The following TIAM2 variants were observed in gnomAD, a reference collection of about 807,000 sequenced individuals.
The protein encoded by TIAM2 is TIAM Rac1 associated GEF 2, also known as rho guanine nucleotide exchange factor TIAM2.
A neutral mutation model predicts 152.9 loss-of-function variants in TIAM2; 80 were observed. The observed-to-expected ratio is 0.52, with a 90% CI of 0.44 to 0.63. The LOEUF (loss-of-function observed/expected upper bound fraction) is 0.63, where lower values mean the gene tolerates loss of function less well. Among genes scored for constraint, TIAM2 ranks in the 30% least tolerant of loss-of-function variants. The probability of loss-of-function intolerance (pLI) is 0.00; values close to 1 mark genes in which losing one functional copy is unlikely to be tolerated. For missense variants in TIAM2, 1,965 were observed against 2,120.1 expected (o/e 0.93, Z 1.44); for synonymous variants, 804 against 838.0 (o/e 0.96, Z 0.70).
At chr6:155,057,013 C>CTT (rs1193342447) in intron 1 of TIAM2, among the ~76,000 whole-genome samples, 5 of 40,422 alleles carry the variant, frequency 1.2e-4, no homozygotes, top group South Asian at 6.6e-4. Flanking sequence ...CCTCAGTTTT[C>CTT]TTTCTTTTTT....
chr6:155,033,877 C>T lies in TIAM2; in HGVS notation c.-209+38385C>T, dbSNP rs540865543. On this transcript the variant is annotated intron_variant, in intron 1 of 26. Coordinates refer to ENST00000682666, the MANE Select transcript of TIAM2 (RefSeq NM_012454.4). Reference sequence around the variant, plus strand: ...GCTTACAGGTGCGTGCCACCACACCCGGCTAATTTTTGCATTTTTAGTAGA... The same window carrying T: ...GCTTACAGGTGCGTGCCACCACACCTGGCTAATTTTTGCATTTTTAGTAGA... 6.6e-5 allele frequency among the ~76,000 whole-genome samples: 10 copies of T among 152,012 alleles called. No homozygotes were observed. The South Asian group carries it at 1.0e-3, about 16-fold the overall frequency.
chr6:155,033,936 C>T (rs111549675), intron 1 of TIAM2, among the ~76,000 whole-genome samples: 9,115 of 151,922 alleles, frequency 0.06, 901 homozygotes, highest in African/African-American at 0.21. Flanking sequence ...AGGCTGGTCT[C>T]GAACTCCTGA....
intron 15 of TIAM2, among the ~76,000 whole-genome samples, chr6:155,229,115 G>A (rs1357255175): frequency 6.6e-6 from 1 of 151,964 alleles, no homozygotes; most frequent in East Asian, 1.9e-4. Flanking sequence ...CCTTCTGCAC[G>A]CCTCCCCTCG....
intron 1 of TIAM2, among the ~76,000 whole-genome samples, chr6:155,022,919 A>G (rs1420053432): frequency 6.6e-6 from 1 of 152,178 alleles, no homozygotes; most frequent in Non-Finnish European, 1.5e-5. Context: ...GCAGCCATGG[A>G]CGTGGATAAA....
rs59836931 is a variant in TIAM2 at position 155,203,048 on chromosome 6, CAAAAAAAAA to C, written c.3065-8142_3065-8134del. On this transcript the variant is annotated intron_variant, in intron 14 of 26. Coordinates refer to ENST00000682666, the MANE Select transcript of TIAM2 (RefSeq NM_012454.4). ...TGGGTGACAGAGCAAAACTCTGTCTCAAAAAAAAAAAAAAAAAAAAAAGAGAAAGATTTG... is the reference window on the plus strand; with the variant it reads ...TGGGTGACAGAGCAAAACTCTGTCTCAAAAAAAAAAAAAGAGAAAGATTTG... Among the ~76,000 whole-genome samples, 609 of 78,884 alleles carry C rather than the reference CAAAAAAAAA, an allele frequency of 7.7e-3. 2 individuals are homozygous for C. Among genetic ancestry groups the C allele is most frequent in the Admixed American group, 0.014 (86 of 6,056 alleles). The allele number at this position is 78,884 out of a possible 152,430, so 51.8% of individuals were successfully genotyped here. A position where few individuals can be genotyped will look rare whatever the true frequency, so the allele number is the denominator to read the frequency against.
intron 1 of TIAM2, among the ~76,000 whole-genome samples, chr6:155,060,178 C>A (rs1192405932): frequency 6.6e-6 from 1 of 151,486 alleles, no homozygotes; most frequent in African/African-American, 2.4e-5. Context: ...CCGAGGTGGG[C>A]AAATCACCTG....
intron 1 of TIAM2, among the ~76,000 whole-genome samples, chr6:155,036,122 A>C (rs994948332): frequency 2.6e-5 from 4 of 152,146 alleles, no homozygotes; most frequent in Non-Finnish European, 5.9e-5. Flanking sequence ...GATACCCCAA[A>C]CAGAGTGGCC....
At chr6:155,039,684 T>G (rs771011096) in intron 1 of TIAM2, among the ~76,000 whole-genome samples, 12 of 152,098 alleles carry the variant, frequency 7.9e-5, no homozygotes, top group Non-Finnish European at 1.5e-4. Context: ...AAGATCTTTC[T>G]TCTGACTGCA....
rs73571501 is a variant in TIAM2 at position 154,998,305 on chromosome 6, C to T, written c.-209+2813C>T. On this transcript the variant is annotated intron_variant, in intron 1 of 26. Coordinates refer to ENST00000682666, the MANE Select transcript of TIAM2 (RefSeq NM_012454.4). ...GTGCTAATAAATTGCATTGGAGTGC[C>T]GTTTTGTATATAAGAATTTAAGCCA... 5.6e-3 allele frequency among the ~76,000 whole-genome samples: 845 copies of T among 152,140 alleles called. 4 individuals carry two copies. The highest frequency in any genetic ancestry group is 0.019 in the African/African-American group (804 of 41,480).
At chr6:155,017,787 G>A (rs916941640) in intron 1 of TIAM2, among the ~76,000 whole-genome samples, 45 of 152,228 alleles carry the variant, frequency 3.0e-4, no homozygotes, top group African/African-American at 9.6e-4. Flanking sequence ...ACAGGTGTGA[G>A]CCACCACGCC....
intron 7 of TIAM2, among the ~76,000 whole-genome samples, chr6:155,161,023 C>T (rs1329794952): frequency 1.3e-5 from 2 of 152,176 alleles, no homozygotes; most frequent in African/African-American, 4.8e-5. Context: ...GTGTCCCAGC[C>T]CTGTTGACTT....
intron 1 of TIAM2, among the ~76,000 whole-genome samples, chr6:155,017,604 A>T (rs965453205): frequency 2.7e-5 from 4 of 150,504 alleles, no homozygotes; most frequent in Non-Finnish European, 5.9e-5. Context: ...CCTGGGTTCA[A>T]GCTATACTCC....
chr6:155,032,405 C>G (rs56284887), intron 1 of TIAM2, among the ~76,000 whole-genome samples: 1,689 of 152,298 alleles, frequency 0.011, 31 homozygotes, highest in African/African-American at 0.038. Flanking sequence ...CACTAAATCC[C>G]TGTCCACACA....
intron 1 of TIAM2, among the ~76,000 whole-genome samples, chr6:155,020,000 C>T (rs1776442200): frequency 6.6e-6 from 1 of 152,076 alleles, no homozygotes; most frequent in Admixed American, 6.6e-5. Context: ...TTGCAGTGAG[C>T]CGAGATTGCG....
chr6:155,124,518 C>T (rs535773306), intron 2 of TIAM2, among the ~76,000 whole-genome samples: 3 of 151,866 alleles, frequency 2.0e-5, no homozygotes, highest in South Asian at 2.1e-4. Flanking sequence ...TTAGTAGAGA[C>T]GGGGTTTCTC....
intron 7 of TIAM2, among the ~76,000 whole-genome samples, chr6:155,149,787 G>A (rs1432590301): frequency 1.3e-5 from 2 of 152,048 alleles, no homozygotes; most frequent in South Asian, 2.1e-4. Context: ...TCTGGGCACG[G>A]TGGTGGGCGC....
intron 26 of TIAM2, chr6:155,255,413 T>A (rs1783937743): frequency 6.6e-6 from 1 of 152,220 alleles, no homozygotes; most frequent in African/African-American, 2.4e-5. Flanking sequence ...TATTTTGTTA[T>A]TATCTTTCTT....
In TIAM2 at chr6:155,165,249, G is replaced by C; in HGVS notation, c.2215-14G>C. The C allele has an allele frequency of 1.3e-6, 2 of 1,593,332 alleles. No individual in the cohort carries two copies. Among genetic ancestry groups the C allele is most frequent in the Non-Finnish European group, 1.7e-6 (2 of 1,173,678 alleles). ...TAAGCCTTTAGATTTTTTTTAAACTGTGTTTTACATTAGGTATGTTCTAGA... is the reference window on the plus strand; with the variant it reads ...TAAGCCTTTAGATTTTTTTTAAACTCTGTTTTACATTAGGTATGTTCTAGA... On this transcript the variant is annotated splice_polypyrimidine_tract_variant and intron_variant, in intron 8 of 26. Coordinates refer to ENST00000682666, the MANE Select transcript of TIAM2 (RefSeq NM_012454.4).
intron 1 of TIAM2, among the ~76,000 whole-genome samples, chr6:155,037,690 T>C (rs981892714): frequency 6.6e-6 from 1 of 152,102 alleles, no homozygotes; most frequent in African/African-American, 2.4e-5. Flanking sequence ...CCACCACGCC[T>C]GCCTAATTTT....
Sources: allele counts gnomAD v4.1 joint callset (sites outside exome capture counted in the v4.1 genomes callset), GRCh38; gene constraint gnomAD v4.1.1; transcripts MANE v1.5; gene names NCBI Gene and HGNC (gene_info 2026-07-23, HGNC 2026-07-21).